FAF1: variants seen among roughly 807,000 people sequenced by gnomAD.
The protein encoded by FAF1 is Fas associated factor 1.
Under a neutral mutation model 92.5 loss-of-function variants are expected in FAF1, and 25 were observed. The ratio of observed to expected loss-of-function variants is 0.27; its 90% CI spans 0.20 to 0.38. The LOEUF (loss-of-function observed/expected upper bound fraction) is 0.38. Among genes scored for constraint, FAF1 ranks in the 10% least tolerant of loss-of-function variants. The pLI is 1.00. For synonymous variants in FAF1, 234 were observed against 273.2 expected (o/e 0.86, Z 1.42); for missense variants, 636 against 793.3 (o/e 0.80, Z 2.38).
At chr1:50,740,035 A>G (rs1287671672) in intron 5 of FAF1, among the ~76,000 whole-genome samples, 4 of 152,084 alleles carry the variant, frequency 2.6e-5, no homozygotes, top group African/African-American at 9.7e-5. Context: ...TTATCAACAG[A>G]TATTTTTTGA....
At chr1:50,495,913 AC>A (rs1459375387) in intron 15 of FAF1, among the ~76,000 whole-genome samples, 1 of 152,192 alleles carries the variant, frequency 6.6e-6, no homozygotes, top group Non-Finnish European at 1.5e-5. Flanking sequence ...GTGGCACACT[AC>A]GTAGTTCAGC....
intron 7 of FAF1, among the ~76,000 whole-genome samples, chr1:50,668,508 C>A (rs1210559768): frequency 6.6e-6 from 1 of 152,126 alleles, no homozygotes; most frequent in Non-Finnish European, 1.5e-5. Flanking sequence ...TGGCCATGAG[C>A]AAAGTTATAA....
At chr1:50,582,576 T>C (rs771159774) in intron 12 of FAF1, 42 bp downstream of exon 12, 4 of 1,264,468 alleles carry the variant, frequency 3.2e-6, no homozygotes, top group South Asian at 1.2e-5. Flanking sequence ...GGTAAACCTG[T>C]GGGATGCACT....
chr1:50,802,986 G>C (rs1276351373), intron 2 of FAF1, among the ~76,000 whole-genome samples: 1 of 152,100 alleles, frequency 6.6e-6, no homozygotes, highest in Non-Finnish European at 1.5e-5. Flanking sequence ...AATTTTGAGA[G>C]CTGTAATGTT....
chr1:50,854,409 C>T (rs1284330867), intron 2 of FAF1, among the ~76,000 whole-genome samples: 1 of 152,002 alleles, frequency 6.6e-6, no homozygotes, highest in African/African-American at 2.4e-5. Flanking sequence ...CATTCATCTT[C>T]TCTTAACTCT....
chr1:50,697,520 AG>A (rs1023062357), intron 7 of FAF1, among the ~76,000 whole-genome samples: 5 of 152,228 alleles, frequency 3.3e-5, no homozygotes, highest in African/African-American at 1.2e-4. Context: ...GGCCGTATAT[AG>A]GAACAGCTGC....
intron 1 of FAF1, among the ~76,000 whole-genome samples, chr1:50,922,474 A>AAAG (rs1644972142): frequency 6.8e-6 from 1 of 147,202 alleles, no homozygotes; most frequent in Non-Finnish European, 1.5e-5. Context: ...AAAAAAAAAA[A>AAAG]AAAAAAAAGA....
intron 7 of FAF1, among the ~76,000 whole-genome samples, chr1:50,691,150 C>T (rs562942229): frequency 4.4e-4 from 65 of 148,140 alleles, no homozygotes; most frequent in South Asian, 2.9e-3. Context: ...AACTATCAAA[C>T]TTTTTCCACA....
intron 15 of FAF1, among the ~76,000 whole-genome samples, chr1:50,501,737 C>T (rs1646989481): frequency 6.6e-6 from 1 of 151,822 alleles, no homozygotes; most frequent in Non-Finnish European, 1.5e-5. Context: ...CTCTTATACA[C>T]TGCTGTTGGG....
At chr1:50,467,419 T>C (rs1212831816) in intron 18 of FAF1, among the ~76,000 whole-genome samples, 1 of 152,234 alleles carries the variant, frequency 6.6e-6, no homozygotes, top group East Asian at 1.9e-4. Flanking sequence ...GTTCAAGTGA[T>C]TCTCCTGCCT....
rs933975764 is a variant in FAF1 at position 50,959,889 on chromosome 1, GCCA to G, written c.-81_-79del. 13 of 992,942 alleles carry G rather than the reference GCCA, an allele frequency of 1.3e-5. No individual in the cohort carries two copies. The highest frequency in any genetic ancestry group is 1.7e-5 in the Non-Finnish European group (13 of 775,862). 61.5% of individuals were successfully genotyped at this position (992,942 alleles called of 1,614,324 possible). On this transcript the variant is annotated 5_prime_UTR_variant, in exon 1 of 19. Transcript: ENST00000396153. ...GACGGCACCTCCTGCGACCGTCGCC[GCCA>G]CCGCCGCCGCCGCCGCCGGGCGCCG...
intron 1 of FAF1, among the ~76,000 whole-genome samples, chr1:50,858,320 T>A (rs1050313035): frequency 2.0e-5 from 3 of 151,844 alleles, no homozygotes; most frequent in African/African-American, 4.8e-5. Context: ...GGCAACCACA[T>A]GTAAAACAAA....
intron 15 of FAF1, among the ~76,000 whole-genome samples, chr1:50,492,971 T>C (rs556851224): frequency 6.6e-6 from 1 of 152,060 alleles, no homozygotes; most frequent in African/African-American, 2.4e-5. Flanking sequence ...CTACAAAATA[T>C]GAAAAATCAT....
intron 8 of FAF1, among the ~76,000 whole-genome samples, chr1:50,603,315 C>G (rs1194604130): frequency 6.6e-6 from 1 of 152,120 alleles, no homozygotes; most frequent in Non-Finnish European, 1.5e-5. Flanking sequence ...CATAAAACAA[C>G]CTTAGAGTAG....
chr1:50,917,693 GGAAA>G (rs1274457735), intron 1 of FAF1, among the ~76,000 whole-genome samples: 21 of 129,466 alleles, frequency 1.6e-4, no homozygotes, highest in African/African-American at 4.2e-4. Flanking sequence ...GGAAAGGAAA[GGAAA>G]GGAAAAGAAA....
intron 4 of FAF1, among the ~76,000 whole-genome samples, chr1:50,767,520 C>A (rs1053406944): frequency 5.9e-5 from 9 of 152,038 alleles, no homozygotes; most frequent in African/African-American, 1.9e-4. Context: ...TCTTCAGATT[C>A]TTAAAGGTCG....
At chr1:50,834,492 C>A (rs1161825278) in intron 2 of FAF1, among the ~76,000 whole-genome samples, 1 of 152,166 alleles carries the variant, frequency 6.6e-6, no homozygotes, top group Non-Finnish European at 1.5e-5. Context: ...TTAATTCAAC[C>A]TGCTATTAAA....
At chr1:50,703,958 T>G (rs1301065559) in intron 7 of FAF1, among the ~76,000 whole-genome samples, 1 of 152,202 alleles carries the variant, frequency 6.6e-6, no homozygotes, top group Non-Finnish European at 1.5e-5. Context: ...TCGGAAATAT[T>G]TGCAGTATTT....
intron 1 of FAF1, among the ~76,000 whole-genome samples, chr1:50,897,451 A>G (rs1210391125): frequency 6.6e-6 from 1 of 152,238 alleles, no homozygotes; most frequent in Non-Finnish European, 1.5e-5. Context: ...TGAATTTTTT[A>G]AGTGGCCAGC....
Sources: allele counts gnomAD v4.1 joint callset (sites outside exome capture counted in the v4.1 genomes callset), GRCh38; gene constraint gnomAD v4.1.1; transcripts MANE v1.5; gene names NCBI Gene and HGNC (gene_info 2026-07-23, HGNC 2026-07-21).